The following NAALADL2 variants were observed in gnomAD, a reference collection of about 807,000 sequenced individuals.
NAALADL2 encodes N-acetylated alpha-linked acidic dipeptidase like 2.
NAALADL2 carries 76 observed loss-of-function variants against 87.2 expected under a neutral mutation model. That is an observed-to-expected ratio of 0.87 (90% CI 0.72 to 1.05). The LOEUF (loss-of-function observed/expected upper bound fraction) is 1.05, where lower values mean the gene tolerates loss of function less well. NAALADL2 is among the 50% of genes least tolerant of loss of function. NAALADL2 has a pLI of 0.00. For synonymous variants in NAALADL2, 354 were observed against 331.0 expected (o/e 1.07, Z -0.75); for missense variants, 1,089 against 945.8 (o/e 1.15, Z -1.99).
chr3:174,708,082 C>T (rs1001440881), intron 2 of NAALADL2, among the ~76,000 whole-genome samples: 1 of 152,108 alleles, frequency 6.6e-6, no homozygotes, highest in Non-Finnish European at 1.5e-5. Context: ...ATCTAAGGAA[C>T]CATAGCCAAT....
chr3:175,417,440 C>T (rs1028791483), intron 5 of NAALADL2, among the ~76,000 whole-genome samples: 23 of 151,908 alleles, frequency 1.5e-4, no homozygotes, highest in South Asian at 4.1e-4. Flanking sequence ...CTGGAATAAA[C>T]GATGCCTTCA....
chr3:174,665,196 T>TGAAA, intron 2 of NAALADL2, among the ~76,000 whole-genome samples: 1 of 152,270 alleles, frequency 6.6e-6, no homozygotes. Context: ...TTATGAGCAT[T>TGAAA]ACATAGAGAT....
At chr3:175,292,777 C>A (rs1220595042) in intron 4 of NAALADL2, among the ~76,000 whole-genome samples, 1 of 151,990 alleles carries the variant, frequency 6.6e-6, no homozygotes, top group Non-Finnish European at 1.5e-5. Flanking sequence ...GTGGCTCACG[C>A]CTGTAATCCC....
At chr3:174,983,848 A>T (rs980654630) in intron 1 of NAALADL2, among the ~76,000 whole-genome samples, 1 of 152,226 alleles carries the variant, frequency 6.6e-6, no homozygotes, top group Admixed American at 6.5e-5. Flanking sequence ...ATCTCCATGA[A>T]TTAGCTAGCC....
chr3:174,681,950 C>A (rs1727583919), intron 2 of NAALADL2, among the ~76,000 whole-genome samples: 1 of 152,146 alleles, frequency 6.6e-6, no homozygotes, highest in Non-Finnish European at 1.5e-5. Context: ...GCATTCACTA[C>A]AAGCTAACTG....
At chr3:175,192,752 T>A (rs768282574) in intron 2 of NAALADL2, among the ~76,000 whole-genome samples, 2 of 152,028 alleles carry the variant, frequency 1.3e-5, no homozygotes. Flanking sequence ...TCCTATCCAA[T>A]GTATACTCAT....
At chr3:175,052,196 A>G (rs1021928131) in intron 1 of NAALADL2, among the ~76,000 whole-genome samples, 5 of 152,210 alleles carry the variant, frequency 3.3e-5, no homozygotes, top group South Asian at 2.1e-4. Flanking sequence ...CACTCATGCT[A>G]TTGTTTGTGG....
At chr3:174,505,999 G>A (rs1719178809) in intron 1 of NAALADL2, among the ~76,000 whole-genome samples, 1 of 152,068 alleles carries the variant, frequency 6.6e-6, no homozygotes, top group African/African-American at 2.4e-5. Context: ...CTCTGCGTGT[G>A]CAAGCATGTG....
rs561793245 is a variant in NAALADL2 at position 174,685,172 on chromosome 3, C to T, written c.-114-52469C>T. Among the ~76,000 whole-genome samples the T allele has an allele frequency of 1.7e-4, 26 of 152,192 alleles. 1 individual carries two copies. The highest frequency in any genetic ancestry group is 3.4e-3 in the Middle Eastern group (1 of 294). ...TTTCCTAAAGTCAGCTATCAATTGA[C>T]GTAAGTGCCTAATAGAAATCTCATG... is the stretch of plus-strand genomic sequence containing the variant. On this transcript the variant is annotated intron_variant, in intron 2 of 3. Transcript: ENST00000434257.
At chr3:174,882,426 T>G (rs909545188) in intron 1 of NAALADL2, among the ~76,000 whole-genome samples, 2 of 62,096 alleles carry the variant, frequency 3.2e-5, no homozygotes, top group African/African-American at 2.4e-4. Flanking sequence ...GTATGTGTGT[T>G]GTGTGTGTGT....
intron 4 of NAALADL2, among the ~76,000 whole-genome samples, chr3:175,292,097 G>A (rs1279349538): frequency 2.6e-5 from 4 of 152,124 alleles, no homozygotes; most frequent in Non-Finnish European, 5.9e-5. Context: ...TTTGAAACGT[G>A]CTCTCTCTCT....
At chr3:175,271,400 T>A (rs991709931) in intron 4 of NAALADL2, among the ~76,000 whole-genome samples, 1 of 152,194 alleles carries the variant, frequency 6.6e-6, no homozygotes, top group Non-Finnish European at 1.5e-5. Flanking sequence ...AAAAAAAGCC[T>A]GAGAAGAAAG....
intron 1 of NAALADL2, among the ~76,000 whole-genome samples, chr3:175,004,641 G>A (rs947281232): frequency 6.6e-6 from 1 of 152,044 alleles, no homozygotes; most frequent in African/African-American, 2.4e-5. Flanking sequence ...ATGAATGATG[G>A]TAATGCCAAA....
intron 9 of NAALADL2, among the ~76,000 whole-genome samples, chr3:175,490,524 C>T (rs62287076): frequency 0.081 from 12,161 of 150,906 alleles, 579 homozygotes; most frequent in South Asian, 0.12. Context: ...GTAGCTGGGA[C>T]TACAGGCACC....
At chr3:175,564,574 G>A (rs1394720787) in intron 9 of NAALADL2, among the ~76,000 whole-genome samples, 2 of 152,076 alleles carry the variant, frequency 1.3e-5, no homozygotes, top group Non-Finnish European at 2.9e-5. Context: ...TAAACCTCAA[G>A]AAGGCTGGTG....
At chr3:174,675,933 G>A (rs1168785210) in intron 2 of NAALADL2, among the ~76,000 whole-genome samples, 3 of 151,970 alleles carry the variant, frequency 2.0e-5, no homozygotes, top group Non-Finnish European at 1.5e-5. Flanking sequence ...TACGTTGTTT[G>A]TTTTAATTTA....
chr3:175,699,161 C>T (rs1582937064), intron 11 of NAALADL2, among the ~76,000 whole-genome samples: 1 of 151,898 alleles, frequency 6.6e-6, no homozygotes, highest in East Asian at 1.9e-4. Context: ...CAAGCTTCAG[C>T]TGAGCAAATT....
intron 2 of NAALADL2, among the ~76,000 whole-genome samples, chr3:174,588,626 G>C (rs1042579621): frequency 3.3e-5 from 5 of 152,200 alleles, no homozygotes; most frequent in African/African-American, 9.7e-5. Context: ...GTCTGTGGGA[G>C]TTTGCTGGAG....
intron 3 of NAALADL2, among the ~76,000 whole-genome samples, 158 bp downstream of exon 3, chr3:175,234,362 C>T (rs555074157): frequency 1.6e-4 from 24 of 152,320 alleles, no homozygotes; most frequent in African/African-American, 5.5e-4. Flanking sequence ...AGATGTGGCC[C>T]TCCTGACCCT....
Sources: allele counts gnomAD v4.1 joint callset (sites outside exome capture counted in the v4.1 genomes callset), GRCh38; gene constraint gnomAD v4.1.1; transcripts MANE v1.5; gene names NCBI Gene and HGNC (gene_info 2026-07-23, HGNC 2026-07-21).